PNPLA1: variants seen among roughly 807,000 people sequenced by gnomAD.
PNPLA1 encodes the protein patatin like domain 1, omega-hydroxyceramide transacylase.
Under a neutral mutation model 51.7 loss-of-function variants are expected in PNPLA1, and 36 were observed. The observed-to-expected ratio is 0.70, with a 90% confidence interval of 0.53 to 0.92. The LOEUF (loss-of-function observed/expected upper bound fraction) is 0.92, where lower values mean the gene tolerates loss of function less well. PNPLA1 is among the 40% of genes least tolerant of loss of function. PNPLA1 has a pLI of 0.00. For missense variants in PNPLA1, 658 were observed against 682.5 expected (o/e 0.96, Z 0.40); for synonymous variants, 293 against 280.1 (o/e 1.05, Z -0.46).
At chr6:36,295,326 C>T (rs143114277) in intron 4 of PNPLA1, 38 bp from the exon 5 acceptor site, 22 of 1,611,492 alleles carry the variant, frequency 1.4e-5, no homozygotes, top group East Asian at 1.3e-4. Context: ...CCTTCCTCCC[C>T]GCAGCCTTGG....
chr6:36,268,279 G>T (rs1177790710), upstream of PNPLA1, among the ~76,000 whole-genome samples: 4 of 152,102 alleles, frequency 2.6e-5, no homozygotes, highest in Non-Finnish European at 5.9e-5. Flanking sequence ...GACGTGCCGT[G>T]TGCCAGGCGT....
intron 1 of PNPLA1, among the ~76,000 whole-genome samples, chr6:36,272,486 G>C (rs1368756480): frequency 6.6e-6 from 1 of 152,174 alleles, no homozygotes; most frequent in Non-Finnish European, 1.5e-5. Flanking sequence ...ATGGCCTGGG[G>C]GTTGGGAACC....
At chr6:36,288,443 AT>A (rs34132369) in intron 1 of PNPLA1, among the ~76,000 whole-genome samples, 2,024 of 125,718 alleles carry the variant, frequency 0.016, 36 homozygotes, top group African/African-American at 0.05. Context: ...AGGAGACCCT[AT>A]TTTTTTTTTT....
intron 2 of PNPLA1, among the ~76,000 whole-genome samples, 198 bp downstream of exon 2, chr6:36,291,750 G>A (rs566159055): frequency 6.6e-6 from 1 of 152,294 alleles, no homozygotes; most frequent in Non-Finnish European, 1.5e-5. Context: ...GACGAACCAG[G>A]CTTGACCGCC....
At chr6:36,298,226 A>G (rs1295067689) in intron 5 of PNPLA1, among the ~76,000 whole-genome samples, 2 of 152,112 alleles carry the variant, frequency 1.3e-5, no homozygotes, top group Non-Finnish European at 2.9e-5. Flanking sequence ...ACCACAGCCC[A>G]TTTACCCAGT....
At chr6:36,251,620 G>A (rs1243940697) in intron 1 of PNPLA1, among the ~76,000 whole-genome samples, 1 of 152,088 alleles carries the variant, frequency 6.6e-6, no homozygotes, top group Non-Finnish European at 1.5e-5. Flanking sequence ...GTTATTCCAA[G>A]CTACTGGTAG....
Position 36,307,593 on chromosome 6 carries a change from C to A in PNPLA1, c.1476C>A (p.Ser492Arg). 2 of 1,613,244 alleles carry A rather than the reference C, an allele frequency of 1.2e-6. No individual in the cohort carries two copies. Among genetic ancestry groups the A allele is most frequent in the Non-Finnish European group, 1.7e-6 (2 of 1,179,596 alleles). ...ETVSKPYVTE[S>R]PAEDSNWVNK... ...ACTTAATCTCTTTGCCTAGGGAGAG[C>A]CCTGCTGAAGACTCAAACTGGGTGA... The change falls in exon 8 of 9, where the codon AGC becomes AGA. Residue 492 changes from serine (S) to arginine (R), a missense_variant. Physicochemically the swap from Ser to Arg is moderately radical, Grantham distance 110 (BLOSUM62 -1). Transcript: ENST00000636260.
At chr6:36,310,662 G>A (rs1771387715) in intron 8 of PNPLA1, among the ~76,000 whole-genome samples, 1 of 152,218 alleles carries the variant, frequency 6.6e-6, no homozygotes. Flanking sequence ...GTTGGTAGGT[G>A]GCAGAGCCAG....
At chr6:36,309,984 A>G (rs535017375) in intron 8 of PNPLA1, among the ~76,000 whole-genome samples, 1 of 152,328 alleles carries the variant, frequency 6.6e-6, no homozygotes, top group South Asian at 2.1e-4. Context: ...AGAGGCTAGA[A>G]CAAAAGCTAA....
chr6:36,261,593 G>A (rs79742250), intron 1 of PNPLA1, among the ~76,000 whole-genome samples: 26 of 152,346 alleles, frequency 1.7e-4, no homozygotes, highest in African/African-American at 5.5e-4. Flanking sequence ...TTCGTGCACT[G>A]ACCATATCAC....
intron 1 of PNPLA1, among the ~76,000 whole-genome samples, chr6:36,256,453 A>G (rs1769535997): frequency 6.6e-6 from 1 of 151,796 alleles, no homozygotes; most frequent in African/African-American, 2.4e-5. Flanking sequence ...ATATATATTT[A>G]TTTATTTATT....
At chr6:36,298,568 C>T (rs971253258) in intron 5 of PNPLA1, among the ~76,000 whole-genome samples, 2 of 152,184 alleles carry the variant, frequency 1.3e-5, no homozygotes, top group African/African-American at 4.8e-5. Flanking sequence ...CCCCTTTTCT[C>T]CTCCTCCAGC....
chr6:36,252,139 C>G (rs1279027432), intron 1 of PNPLA1, among the ~76,000 whole-genome samples: 1 of 151,992 alleles, frequency 6.6e-6, no homozygotes, highest in Non-Finnish European at 1.5e-5. Context: ...TTCCTCCAGG[C>G]AGAGACTGCA....
chr6:36,290,220 A>G (rs1770633343), intron 1 of PNPLA1, among the ~76,000 whole-genome samples: 2 of 152,196 alleles, frequency 1.3e-5, no homozygotes, highest in Non-Finnish European at 2.9e-5. Flanking sequence ...GTATCATAGC[A>G]TATTTTACAA....
chr6:36,268,316 C>G (rs1769810502), upstream of PNPLA1, among the ~76,000 whole-genome samples: 1 of 152,216 alleles, frequency 6.6e-6, no homozygotes, highest in Non-Finnish European at 1.5e-5. Context: ...TTAGCCTTTA[C>G]AGCTACTGTG....
intron 6 of PNPLA1, among the ~76,000 whole-genome samples, chr6:36,303,238 A>G (rs1268671400): frequency 6.6e-6 from 1 of 151,872 alleles, no homozygotes; most frequent in Non-Finnish European, 1.5e-5. Flanking sequence ...GGGACTACAG[A>G]TGCCCGCCAC....
At chr6:36,278,008 G>A (rs931143750) in intron 1 of PNPLA1, among the ~76,000 whole-genome samples, 9 of 152,184 alleles carry the variant, frequency 5.9e-5, no homozygotes, top group Admixed American at 2.0e-4. Context: ...ATGCACCATG[G>A]CACCTACTGT....
intron 1 of PNPLA1, among the ~76,000 whole-genome samples, chr6:36,264,327 A>G (rs958953739): frequency 4.6e-5 from 7 of 152,230 alleles, no homozygotes; most frequent in Non-Finnish European, 7.3e-5. Context: ...ATGTTGTCCC[A>G]TGGTCTCATA....
intron 6 of PNPLA1, among the ~76,000 whole-genome samples, chr6:36,303,385 G>A (rs183438944): frequency 2.5e-4 from 38 of 152,174 alleles, no homozygotes; most frequent in East Asian, 1.6e-3. Flanking sequence ...GAGCCACCGC[G>A]CCCAGCCAGA....
Sources: gnomAD v4.1 joint callset for allele counts (sites outside exome capture counted in the v4.1 genomes callset) on GRCh38, gnomAD v4.1.1 for gene constraint, MANE v1.5 for transcripts, NCBI Gene and HGNC (gene_info 2026-07-23, HGNC 2026-07-21) for gene names.